The following C16orf96 variants were observed in gnomAD, a reference collection of about 807,000 sequenced individuals.
C16orf96 encodes the protein chromosome 16 open reading frame 96.
A neutral mutation model predicts 103.6 loss-of-function variants in C16orf96; 108 were observed. The ratio of observed to expected loss-of-function variants is 1.04; its 90% CI spans 0.89 to 1.22. The LOEUF is 1.22. C16orf96 is among the 50% of genes most tolerant of loss of function. C16orf96 has a pLI of 0.00. For synonymous variants in C16orf96, 566 were observed against 593.5 expected (o/e 0.95, Z 0.67); for missense variants, 1,586 against 1,464.2 (o/e 1.08, Z -1.36).
chr16:4,567,720 G>C (rs1370242977), intron 1 of C16orf96, among the ~76,000 whole-genome samples: 1 of 64,222 alleles, frequency 1.6e-5, no homozygotes, highest in Non-Finnish European at 2.7e-5. Flanking sequence ...TTTTTTTTGA[G>C]ATGAAGTCTT....
chr16:4,555,848 C>G (rs1238977449), upstream of C16orf96, among the ~76,000 whole-genome samples: 1 of 151,910 alleles, frequency 6.6e-6, no homozygotes, highest in Non-Finnish European at 1.5e-5. Context: ...AGATGTGCGC[C>G]AGCACATCCA....
chr16:4,593,307 A>G lies in C16orf96; in HGVS notation c.2858A>G (p.Gln953Arg). Residue 953 changes from glutamine to arginine, a missense_variant, in exon 12 of 16, where the codon CAA becomes CGA. By Grantham distance (43) the Gln-to-Arg change is conservative. Coordinates refer to ENST00000444310, the MANE Select transcript of C16orf96 (RefSeq NM_001145011.2). The surrounding 1 kb of genome is among the most constrained non-coding windows in gnomAD (Gnocchi z 4.2). ...AACAGCTGCGAGTACTTGCAGCGGC[A>G]ACAGATGAGGTGAGCAGGATGGGCG... ...SANSCEYLQR[Q>R]QMREQQWLQL... 1 of 1,550,734 alleles carries G rather than the reference A, an allele frequency of 6.4e-7. No individual in the cohort carries two copies. Among genetic ancestry groups the G allele is most frequent in the South Asian group, 1.2e-5 (1 of 84,008 alleles).
At chr16:4,543,840 C>T in the C16orf96 span, among the ~76,000 whole-genome samples, 1 of 150,014 alleles carries the variant, frequency 6.7e-6, no homozygotes, top group African/African-American at 2.5e-5. Flanking sequence ...CAGGGTTTCA[C>T]CATGTTGGCC....
chr16:4,560,619 A>C (rs1288766277), intron 1 of C16orf96: 1 of 152,112 alleles, frequency 6.6e-6, no homozygotes, highest in Non-Finnish European at 1.5e-5. Context: ...CCTAACTACT[A>C]TATGAGGTTT....
intron 9 of C16orf96, among the ~76,000 whole-genome samples, chr16:4,590,301 G>A (rs1897027500): frequency 1.3e-5 from 2 of 151,876 alleles, no homozygotes. Context: ...GCTCACACCT[G>A]TAATCCCAGC....
the C16orf96 span, among the ~76,000 whole-genome samples, chr16:4,547,546 G>T: frequency 6.6e-6 from 1 of 152,120 alleles, no homozygotes; most frequent in African/African-American, 2.4e-5. Context: ...GAGTTCAGGC[G>T]AAATGGGAGG....
At position 4,576,276 on chromosome 16, in the gene C16orf96, C is replaced by T; in HGVS notation, c.1796C>T (p.Ala599Val). Reference protein sequence around the residue: ...AKVAAKFVKDAPATKMAAIAT... With the variant: ...AKVAAKFVKDVPATKMAAIAT... ...GTTGCTGCCAAGTTTGTCAAGGATG[C>T]CCCAGCCACCAAAATGGCCGCCATT... Residue 599 changes from alanine to valine, a missense_variant, in exon 5 of 16, where the codon GCC becomes GTC. By Grantham distance (64) the Ala-to-Val change is moderately conservative. Coordinates refer to ENST00000444310, the MANE Select transcript of C16orf96 (RefSeq NM_001145011.2). The T allele has an allele frequency of 6.4e-7, 1 of 1,550,750 alleles. No individual in the cohort carries two copies. Among genetic ancestry groups the T allele is most frequent in the African/African-American group, 1.4e-5 (1 of 73,192 alleles).
At chr16:4,554,454 G>T (rs1014128039), upstream of C16orf96, among the ~76,000 whole-genome samples, 3 of 151,650 alleles carry the variant, frequency 2.0e-5, no homozygotes, top group African/African-American at 7.3e-5. Flanking sequence ...AGATTCAAAC[G>T]ATTCTTCTGC....
At chr16:4,577,668 A>C (rs2059529024) in intron 5 of C16orf96, among the ~76,000 whole-genome samples, 1 of 151,626 alleles carries the variant, frequency 6.6e-6, no homozygotes, top group Admixed American at 6.6e-5. Flanking sequence ...AAAAATTTTA[A>C]ACATTGGCCG....
At chr16:4,567,965 G>A (rs1471358286) in intron 1 of C16orf96, among the ~76,000 whole-genome samples, 1 of 151,946 alleles carries the variant, frequency 6.6e-6, no homozygotes, top group Non-Finnish European at 1.5e-5. Context: ...CAAAGTGCTG[G>A]GATTACAGAT....
chr16:4,544,682 G>A, the C16orf96 span, among the ~76,000 whole-genome samples: 1 of 152,268 alleles, frequency 6.6e-6, no homozygotes, highest in East Asian at 1.9e-4. Context: ...GGGCTGTTGC[G>A]AGGATGGGAT....
Position 4,575,438 on chromosome 16 carries a change from T to A in C16orf96, c.958T>A (p.Cys320Ser), listed in dbSNP as rs568425453. 2.1e-5 allele frequency: 32 copies of A among 1,549,272 alleles called. No individual in the cohort carries two copies. The highest frequency in any genetic ancestry group is 2.7e-5 in the Non-Finnish European group (31 of 1,146,922). The change falls in exon 5 of 16, where the codon TGC becomes AGC. Residue 320 changes from cysteine to serine, a missense_variant. By Grantham distance (112) the Cys-to-Ser change is moderately radical. Transcript: ENST00000444310. ...CCTCACGCCTGAGTCTGCACCTGGG[T>A]GCACAACTGAATTTGCACCTGGGCC... is the stretch of plus-strand genomic sequence containing the variant. ...PALTPESAPG[C>S]TTEFAPGPAP...
intron 7 of C16orf96, among the ~76,000 whole-genome samples, chr16:4,586,500 C>G (rs1896931761): frequency 6.6e-6 from 1 of 152,186 alleles, no homozygotes; most frequent in African/African-American, 2.4e-5. Flanking sequence ...AATGGAGGCT[C>G]TTCCCAAGCT....
In C16orf96 at chr16:4,576,369, G is replaced by T. The variant is rs183700860; in HGVS notation, c.1889G>T (p.Arg630Leu). The T allele has an allele frequency of 6.4e-6, 10 of 1,550,810 alleles. No individual in the cohort carries two copies. The highest frequency in any genetic ancestry group is 7.0e-6 in the Non-Finnish European group (8 of 1,146,998). The change falls in exon 5 of 16, where the codon CGG (arginine) becomes CTG (leucine). Residue 630 changes from arginine to leucine, a missense_variant. Coordinates refer to ENST00000444310, the MANE Select transcript of C16orf96 (RefSeq NM_001145011.2). Reference sequence around the variant, plus strand: ...GATGTCCTGGGTGCAGGGCCTTCCCGGGGAGCCACAGAATCCCAGATCTTG... The same window carrying T: ...GATGTCCTGGGTGCAGGGCCTTCCCTGGGAGCCACAGAATCCCAGATCTTG... ...FADVLGAGPSRGATESQILGD... is the reference protein window; with the variant it reads ...FADVLGAGPSLGATESQILGD...
intron 14 of C16orf96, among the ~76,000 whole-genome samples, chr16:4,598,256 C>T (rs1375333522): frequency 6.6e-6 from 1 of 151,986 alleles, no homozygotes; most frequent in Non-Finnish European, 1.5e-5. Flanking sequence ...GGGGCTGAGG[C>T]GGGAGGATCA....
chr16:4,555,702 T>TC (rs2059256696), upstream of C16orf96, among the ~76,000 whole-genome samples: 4 of 149,044 alleles, frequency 2.7e-5, no homozygotes, highest in African/African-American at 7.4e-5. Context: ...TCTTTTCTTT[T>TC]TTTTTTTTTT....
Position 4,587,119 on chromosome 16 carries a change from T to G in C16orf96, c.2427+6T>G. ...TGGAGGAGGAGCTGAGAGAGGTGAG[T>G]GAGCAGAGGTTCCTCTGCCTTCCCT... is the stretch of plus-strand genomic sequence containing the variant. On this transcript the variant is annotated splice_donor_region_variant and intron_variant, in intron 8 of 15. Transcript: ENST00000444310. 6.4e-7 allele frequency: 1 copy of G among 1,550,938 alleles called. No individual in the cohort carries two copies. The highest frequency in any genetic ancestry group is 8.7e-7 in the Non-Finnish European group (1 of 1,146,542).
Position 4,599,295 on chromosome 16 carries a change from C to A in C16orf96, c.3139C>A (p.Pro1047Thr). The A allele has an allele frequency of 6.4e-7, 1 of 1,551,644 alleles. No homozygotes were observed. Among genetic ancestry groups the A allele is most frequent in the Non-Finnish European group, 8.7e-7 (1 of 1,146,952 alleles). The change falls in exon 15 of 16, where the codon CCA (proline) becomes ACA (threonine). Residue 1047 changes from proline to threonine, a missense_variant. Pro to Thr is a conservative substitution (Grantham distance 38). Transcript: ENST00000444310. ...TCTTTTCTGCTAAGCTGTGAAGGCTCCATCTCCCCCGTCACAAAGCCTGTA... is the reference window on the plus strand; with the variant it reads ...TCTTTTCTGCTAAGCTGTGAAGGCTACATCTCCCCCGTCACAAAGCCTGTA... The part of the protein sequence containing the change: ...VAKELAAVKA[P>T]SPPSQSLYDR...
At chr16:4,587,178 C>A in intron 8 of C16orf96, 65 bp downstream of exon 8, 2 of 1,377,206 alleles carry the variant, frequency 1.5e-6, no homozygotes, top group South Asian at 2.5e-5. Context: ...ACCATCCAGG[C>A]AAAGCCCACC....
Sources: allele counts gnomAD v4.1 joint callset (sites outside exome capture counted in the v4.1 genomes callset), GRCh38; gene constraint gnomAD v4.1.1; non-coding constraint Gnocchi (gnomAD v3.1); transcripts MANE v1.5; gene names NCBI Gene and HGNC (gene_info 2026-07-23, HGNC 2026-07-21).